Variants in NUTM2G observed in about 807,000 individuals in gnomAD.
The protein encoded by NUTM2G is NUT family member 2G.
Under a neutral mutation model 44.3 loss-of-function variants are expected in NUTM2G, and 29 were observed. The observed-to-expected ratio is 0.66, with a 90% CI of 0.49 to 0.89. The LOEUF is 0.89. NUTM2G is among the 40% of genes least tolerant of loss of function. NUTM2G has a pLI of 0.00. For synonymous variants in NUTM2G, 205 were observed against 395.9 expected (o/e 0.52, Z 5.72); for missense variants, 502 against 946.5 (o/e 0.53, Z 6.16).
chr9:96,931,919 G>C lies in NUTM2G; in HGVS notation c.214G>C (p.Gly72Arg), dbSNP rs370086124. The C allele has an allele frequency of 1.6e-5, 26 of 1,611,954 alleles. No individual in the cohort carries two copies. Among genetic ancestry groups the C allele is most frequent in the Non-Finnish European group, 2.2e-5 (26 of 1,179,858 alleles). ...TCTAGTGGCAGGACAGGATGGCCGC[G>C]GCCCAAGTGGGGCTGGGGCTTCCAA... ...TPLVAGQDGR[G>R]PSGAGASNVF... is the part of the protein sequence containing the mutation. Residue 72 changes from glycine to arginine, a missense_variant, in exon 2 of 7, where the codon GGC (glycine) becomes CGC (arginine). Physicochemically the swap from Gly to Arg is moderately radical, Grantham distance 125. Coordinates refer to ENST00000372322, the MANE Select transcript of NUTM2G (RefSeq NM_001170741.3).
At chr9:96,930,873 T>G (rs1232309693) in intron 1 of NUTM2G, among the ~76,000 whole-genome samples, 1 of 12,430 alleles carries the variant, frequency 8.0e-5, no homozygotes, top group Non-Finnish European at 2.0e-4. Flanking sequence ...CATCCAGTGG[T>G]TTTTTTTTTT....
intron 2 of NUTM2G, among the ~76,000 whole-genome samples, chr9:96,933,126 C>T (rs1365406947): frequency 1.3e-5 from 2 of 150,934 alleles, no homozygotes; most frequent in Admixed American, 1.3e-4. Context: ...TACAGGTGCC[C>T]GCCACCATGC....
rs1588202499 is a variant in NUTM2G at position 96,934,309 on chromosome 9, C to T, written c.714-1019C>T. ...GCTTGAGCATATCCACCGTGCAACA[C>T]ACTGGCCGTTCCCCTAGGGGAGTCC... is the stretch of plus-strand genomic sequence containing the variant. On this transcript the variant is annotated intron_variant, in intron 2 of 6. Coordinates refer to ENST00000372322, the MANE Select transcript of NUTM2G (RefSeq NM_001170741.3). 2.0e-5 allele frequency among the ~76,000 whole-genome samples: 3 copies of T among 152,368 alleles called. No homozygotes were observed. The South Asian group carries it at 6.2e-4, about 32-fold the overall frequency.
At chr9:96,931,628 C>T in intron 1 of NUTM2G, 94 bp from the exon 2 acceptor site, 1 of 1,371,360 alleles carries the variant, frequency 7.3e-7, no homozygotes. Context: ...TTCCCTGTCA[C>T]ATGCCCTCAG....
At chr9:96,931,025 G>C (rs1390883761) in intron 1 of NUTM2G, among the ~76,000 whole-genome samples, 1 of 151,632 alleles carries the variant, frequency 6.6e-6, no homozygotes, top group Admixed American at 6.6e-5. Context: ...CTCCTGAGTA[G>C]CTGCGATTAC....
chr9:96,938,294 TG>T, intron 6 of NUTM2G, 69 bp from the exon 7 acceptor site: 1 of 980,888 alleles, frequency 1.0e-6, no homozygotes, highest in Non-Finnish European at 1.5e-6. Context: ...CCAAGTGCCC[TG>T]GTCTCCACCA....
At chr9:96,929,216 G>A (rs1054220681) in intron 1 of NUTM2G, among the ~76,000 whole-genome samples, 176 bp downstream of exon 1, 3 of 152,152 alleles carry the variant, frequency 2.0e-5, no homozygotes, top group African/African-American at 4.8e-5. Flanking sequence ...TGGTTAGGGA[G>A]GAGGGCTCCT....
chr9:96,940,223 C>A (rs1296251815), downstream of NUTM2G: 1 of 150,332 alleles, frequency 6.7e-6, no homozygotes, highest in Non-Finnish European at 1.5e-5. Flanking sequence ...GAGGGTCAGT[C>A]GCCCTTCTGC....
chr9:96,933,201 A>G (rs1228206332), intron 2 of NUTM2G, among the ~76,000 whole-genome samples: 2 of 147,462 alleles, frequency 1.4e-5, no homozygotes, highest in Non-Finnish European at 3.0e-5. Context: ...GATGCTCTCA[A>G]TCTCCTGCCC....
chr9:96,934,447 G>C (rs1159969876), intron 2 of NUTM2G, among the ~76,000 whole-genome samples: 2 of 151,830 alleles, frequency 1.3e-5, no homozygotes, highest in Non-Finnish European at 2.9e-5. Context: ...GGTGCACTGG[G>C]GACCCTGATT....
At position 96,932,203 on chromosome 9, in the gene NUTM2G, G is replaced by A. The variant is rs1402182295; in HGVS notation, c.498G>A (p.Val166=). The change falls in exon 2 of 7, where the codon GTG becomes GTA. Residue 166 remains valine, a synonymous_variant. Transcript: ENST00000372322. ...PLPPPPPAAQ[V]APIVSPGNAG... is the part of the protein sequence containing the mutation. The stretch of plus-strand genomic sequence containing the variant: ...CACCACCACCACCGGCTGCCCAGGT[G>A]GCCCCCATCGTGTCCCCAGGGAACG... The A allele has an allele frequency of 1.2e-6, 2 of 1,613,774 alleles. No individual in the cohort carries two copies. The highest frequency in any genetic ancestry group is 1.7e-5 in the Admixed American group (1 of 60,002).
chr9:96,930,872 G>GTGTTTTTTTTTTTT, intron 1 of NUTM2G, among the ~76,000 whole-genome samples: 1 of 72,726 alleles, frequency 1.4e-5, no homozygotes, highest in African/African-American at 5.7e-5. Context: ...CCATCCAGTG[G>GTGTTTTTTTTTTTT]TTTTTTTTTT....
At chr9:96,936,340 C>T in intron 3 of NUTM2G, 85 bp from the exon 4 acceptor site, 1 of 1,535,638 alleles carries the variant, frequency 6.5e-7, no homozygotes. Flanking sequence ...GCACTCCCTC[C>T]CATCCCTGCC....
intron 4 of NUTM2G, 26 bp from the exon 5 acceptor site, chr9:96,937,038 C>T: frequency 1.3e-6 from 2 of 1,576,512 alleles, no homozygotes; most frequent in Non-Finnish European, 1.7e-6. Context: ...CCTCACCACA[C>T]CCATCCTCCT....
intron 3 of NUTM2G, among the ~76,000 whole-genome samples, chr9:96,935,722 G>A (rs1826409596): frequency 6.6e-6 from 1 of 152,318 alleles, no homozygotes; most frequent in East Asian, 1.9e-4. Context: ...GGAGCAGCCA[G>A]CATCGCAGCC....
At chr9:96,931,676 G>C in intron 1 of NUTM2G, 46 bp from the exon 2 acceptor site, 1 of 1,607,396 alleles carries the variant, frequency 6.2e-7, no homozygotes, top group Non-Finnish European at 8.5e-7. Context: ...GACTAGAGTG[G>C]ACCTGGAGAC....
intron 1 of NUTM2G, among the ~76,000 whole-genome samples, chr9:96,931,208 TTG>T (rs1826235045): frequency 6.6e-6 from 1 of 151,734 alleles, no homozygotes; most frequent in African/African-American, 2.4e-5. Flanking sequence ...TTTTCTTTTG[TTG>T]TGTTGAGCTA....
At chr9:96,940,528 C>T (rs1826566634), downstream of NUTM2G, among the ~76,000 whole-genome samples, 1 of 150,560 alleles carries the variant, frequency 6.6e-6, no homozygotes, top group Middle Eastern at 3.2e-3. Context: ...TGGACAGGAC[C>T]CAGCACCTGC....
intron 5 of NUTM2G, 52 bp downstream of exon 5, chr9:96,937,456 C>T: frequency 6.5e-7 from 1 of 1,542,640 alleles, no homozygotes; most frequent in East Asian, 2.2e-5. Flanking sequence ...GGTGGCACTT[C>T]CAGGTCCTTG....
Sources: gnomAD v4.1 joint callset for allele counts (sites outside exome capture counted in the v4.1 genomes callset) on GRCh38, gnomAD v4.1.1 for gene constraint, MANE v1.5 for transcripts, NCBI Gene and HGNC (gene_info 2026-07-23, HGNC 2026-07-21) for gene names.